The following SGIP1 variants were observed in gnomAD, a reference collection of about 807,000 sequenced individuals.
The protein encoded by SGIP1 is SH3-containing GRB2-like protein 3-interacting protein 1.
A neutral mutation model predicts 107.5 loss-of-function variants in SGIP1; 38 were observed. The ratio of observed to expected loss-of-function variants is 0.35; its 90% CI spans 0.27 to 0.46. SGIP1 has a LOEUF of 0.46. Ranked by LOEUF, SGIP1 falls within the 20% of genes least tolerant of loss-of-function variation. SGIP1 has a pLI of 1.00. For synonymous variants in SGIP1, 365 were observed against 366.1 expected, an observed-to-expected ratio of 1.00 and a Z score of 0.03; for missense variants, 929 against 1,019.5, an observed-to-expected ratio of 0.91 and a Z score of 1.21.
chr1:66,576,255 A>G (rs2061051784), intron 1 of SGIP1, among the ~76,000 whole-genome samples: 1 of 152,170 alleles, frequency 6.6e-6, no homozygotes, highest in African/African-American at 2.4e-5. Context: ...ACTGAAGAGG[A>G]GGAAAAAATT....
At chr1:66,601,518 CAT>C (rs1491172687) in intron 1 of SGIP1, among the ~76,000 whole-genome samples, 23 of 151,424 alleles carry the variant, frequency 1.5e-4, no homozygotes, top group Non-Finnish European at 2.7e-4. Context: ...TGAGTATGTG[CAT>C]GTGTGTGTGT....
intron 18 of SGIP1, among the ~76,000 whole-genome samples, chr1:66,713,482 T>G (rs1057098505): frequency 6.6e-6 from 1 of 152,148 alleles, no homozygotes; most frequent in Non-Finnish European, 1.5e-5. Context: ...TTGATTTTTG[T>G]TGTTATTGAA....
At chr1:66,572,851 A>G (rs57865276) in intron 1 of SGIP1, among the ~76,000 whole-genome samples, 8,232 of 152,180 alleles carry the variant, frequency 0.054, 767 homozygotes, top group African/African-American at 0.19. Flanking sequence ...TATATCCATA[A>G]GATGAAATAT....
chr1:66,722,391 ATGT>A (rs2093581654), intron 19 of SGIP1, among the ~76,000 whole-genome samples: 1 of 151,750 alleles, frequency 6.6e-6, no homozygotes, highest in African/African-American at 2.4e-5. Context: ...AACATCTTTT[ATGT>A]TGTTGTTGTC....
intron 9 of SGIP1, 93 bp from the exon 10 acceptor site, chr1:66,670,902 T>C (rs2083622832): frequency 3.5e-6 from 2 of 572,384 alleles, no homozygotes; most frequent in Non-Finnish European, 5.8e-6. Context: ...TGCATTTATT[T>C]GAGTTCAGTT....
At chr1:66,689,111 G>A (rs746525342) in intron 15 of SGIP1, 37 bp from the exon 16 acceptor site, 3 of 1,597,668 alleles carry the variant, frequency 1.9e-6, no homozygotes, top group East Asian at 2.2e-5. Flanking sequence ...TTGGCCCCCT[G>A]TGTTTCCAGC....
Position 66,660,524 on chromosome 1 carries a change from G to A in SGIP1, c.471G>A (p.Pro157=), listed in dbSNP as rs757052098. 20 of 1,610,098 alleles carry A rather than the reference G, an allele frequency of 1.2e-5. No homozygotes were observed. The highest frequency in any genetic ancestry group is 2.2e-5 in the East Asian group (1 of 44,848). ...ALSPSPVRKS[P]RRSPGAIKRN... is the part of the protein sequence containing the mutation. Reference sequence around the variant, plus strand: ...GCCTACGCTTTTAGAGGAAAAGTCCGGTAAGAAATAAGTCCTTCCCGCTTT... The same window carrying A: ...GCCTACGCTTTTAGAGGAAAAGTCCAGTAAGAAATAAGTCCTTCCCGCTTT... Residue 157 remains proline (P), a splice_region_variant and synonymous_variant, in exon 8 of 25, where the codon CCG becomes CCA. Coordinates refer to ENST00000371037, the MANE Select transcript of SGIP1 (RefSeq NM_032291.4).
chr1:66,596,285 T>C (rs887925139), intron 1 of SGIP1, among the ~76,000 whole-genome samples: 10 of 152,120 alleles, frequency 6.6e-5, no homozygotes, highest in Non-Finnish European at 4.4e-5. Flanking sequence ...AAGAATTTTA[T>C]TGAGTGATGG....
At chr1:66,607,120 G>T (rs938025651) in intron 1 of SGIP1, among the ~76,000 whole-genome samples, 2 of 152,198 alleles carry the variant, frequency 1.3e-5, no homozygotes, top group African/African-American at 4.8e-5. Context: ...CTCAATAACA[G>T]AATTCGAGCA....
rs1463832582 is a variant in SGIP1 at position 66,734,815 on chromosome 1, A to AT, written c.2031+942dup. ...GCCACCACACCAGCTGACTCCCTAGATTTTTTTAAACTTTTTTATTTTTTA... is the reference window on the plus strand; with the variant it reads ...GCCACCACACCAGCTGACTCCCTAGATTTTTTTTAAACTTTTTTATTTTTTA... On this transcript the variant is annotated intron_variant, in intron 21 of 24. Transcript: ENST00000371037. 2.0e-5 allele frequency among the ~76,000 whole-genome samples: 3 copies of AT among 147,020 alleles called. No individual in the cohort carries two copies. In the East Asian group the frequency reaches 5.8e-4, roughly 28 times the overall value.
chr1:66,544,878 G>A (rs1321357493), intron 1 of SGIP1, among the ~76,000 whole-genome samples: 2 of 152,100 alleles, frequency 1.3e-5, no homozygotes, highest in Non-Finnish European at 2.9e-5. Flanking sequence ...CTGTGCTATT[G>A]ACTGTAACCA....
intron 1 of SGIP1, among the ~76,000 whole-genome samples, chr1:66,572,369 G>T (rs1053162286): frequency 6.6e-6 from 1 of 151,978 alleles, no homozygotes; most frequent in African/African-American, 2.4e-5. Context: ...TAGCATAGCT[G>T]GGATTTATCT....
intron 8 of SGIP1, among the ~76,000 whole-genome samples, chr1:66,664,144 A>T (rs751256971): frequency 2.8e-4 from 42 of 152,284 alleles, no homozygotes; most frequent in Non-Finnish European, 5.3e-4. Context: ...AAGAATAATA[A>T]AGTCTAAATT....
intron 19 of SGIP1, 144 bp from the exon 20 acceptor site, chr1:66,729,120 A>ATT (rs1485516473): frequency 2.4e-5 from 23 of 947,064 alleles, no homozygotes; most frequent in Non-Finnish European, 3.6e-5. Flanking sequence ...AAGTTAAAGT[A>ATT]TTTTTTAATG....
At chr1:66,725,709 C>T (rs1331119163) in intron 19 of SGIP1, among the ~76,000 whole-genome samples, 1 of 152,180 alleles carries the variant, frequency 6.6e-6, no homozygotes, top group African/African-American at 2.4e-5. Context: ...GGCAGTGATC[C>T]CTAAAAGGGG....
intron 8 of SGIP1, chr1:66,666,491 T>G (rs1360161506): frequency 6.5e-6 from 1 of 153,610 alleles, no homozygotes. Context: ...TAAAGTAGTT[T>G]TTTCCAGTTT....
At chr1:66,688,676 T>A (rs775174510) in intron 15 of SGIP1, among the ~76,000 whole-genome samples, 1 of 152,228 alleles carries the variant, frequency 6.6e-6, no homozygotes, top group Non-Finnish European at 1.5e-5. Context: ...GTCAAAAGCA[T>A]AATTCTCTTA....
intron 1 of SGIP1, among the ~76,000 whole-genome samples, chr1:66,621,680 A>G (rs139284509): frequency 2.0e-5 from 3 of 152,366 alleles, no homozygotes; most frequent in Non-Finnish European, 4.4e-5. Flanking sequence ...GAAATTTCAT[A>G]TAAATGAAAT....
chr1:66,594,578 G>A (rs1231932273), intron 1 of SGIP1, among the ~76,000 whole-genome samples: 1 of 152,178 alleles, frequency 6.6e-6, no homozygotes, highest in Non-Finnish European at 1.5e-5. Context: ...GCTCAGTGAT[G>A]AGCAGGCTCT....
Sources: gnomAD v4.1 joint callset for allele counts (sites outside exome capture counted in the v4.1 genomes callset) on GRCh38, gnomAD v4.1.1 for gene constraint, MANE v1.5 for transcripts, NCBI Gene and HGNC (gene_info 2026-07-23, HGNC 2026-07-21) for gene names.